Variants in ATE1 observed in about 807,000 individuals in gnomAD.
ATE1 encodes the protein arginyl-tRNA--protein transferase 1.
In ATE1, 36 loss-of-function variants were observed where a neutral mutation model predicts 70.5. That is an observed-to-expected ratio of 0.51 (90% confidence interval 0.39 to 0.67). The LOEUF (loss-of-function observed/expected upper bound fraction) is 0.67, where lower values mean the gene tolerates loss of function less well. ATE1 is among the 30% of genes least tolerant of loss of function. ATE1 has a pLI of 0.00. For missense variants in ATE1, 593 were observed against 629.5 expected (o/e 0.94, Z 0.62); for synonymous variants, 232 against 219.3 (o/e 1.06, Z -0.51).
Position 121,870,045 on chromosome 10 carries a change from T to G in ATE1, c.943-7A>C. 6.2e-7 allele frequency: 1 copy of G among 1,609,512 alleles called. No homozygotes were observed. Among genetic ancestry groups the G allele is most frequent in the Non-Finnish European group, 8.5e-7 (1 of 1,176,830 alleles). On this transcript the variant is annotated splice_polypyrimidine_tract_variant and splice_region_variant and intron_variant, in intron 7 of 11. Coordinates refer to ENST00000224652, the MANE Select transcript of ATE1 (RefSeq NM_001001976.3). The stretch of plus-strand genomic sequence containing the variant: ...TGCAAAGGAATCTTGTGAACTGCAG[T>G]CAAATTTGAACAGAATCCATTTCAT...
At chr10:121,927,700 G>A (rs111968913) in intron 1 of ATE1, 144 bp downstream of exon 1, 8 of 1,327,358 alleles carry the variant, frequency 6.0e-6, no homozygotes, top group African/African-American at 1.6e-5. Flanking sequence ...AGCCGGCGCC[G>A]CGGCCCTCCC....
chr10:121,907,627 A>T (rs1564952579), intron 5 of ATE1, among the ~76,000 whole-genome samples: 2 of 151,394 alleles, frequency 1.3e-5, no homozygotes, highest in African/African-American at 4.9e-5. Flanking sequence ...ACAAAAAATT[A>T]GCATGGTGGT....
chr10:121,809,888 A>G (rs1564856423), intron 10 of ATE1, among the ~76,000 whole-genome samples: 1 of 152,028 alleles, frequency 6.6e-6, no homozygotes, highest in Non-Finnish European at 1.5e-5. Flanking sequence ...CACAAAAAAC[A>G]AAACAAAACA....
intron 11 of ATE1, among the ~76,000 whole-genome samples, chr10:121,747,078 G>A (rs1944402018): frequency 6.6e-6 from 1 of 152,200 alleles, no homozygotes; most frequent in South Asian, 2.1e-4. Flanking sequence ...GAAGACCACA[G>A]TCTTTCACTG....
At chr10:121,762,139 TC>T (rs1206837481) in intron 11 of ATE1, among the ~76,000 whole-genome samples, 1 of 152,204 alleles carries the variant, frequency 6.6e-6, no homozygotes, top group African/African-American at 2.4e-5. Flanking sequence ...GAAAACCAGG[TC>T]ATCCTCCTTG....
intron 11 of ATE1, among the ~76,000 whole-genome samples, chr10:121,756,727 A>G (rs533248719): frequency 6.6e-6 from 1 of 152,186 alleles, no homozygotes; most frequent in Non-Finnish European, 1.5e-5. Context: ...TCACAGCTGG[A>G]GTGGCTGAGA....
intron 10 of ATE1, among the ~76,000 whole-genome samples, chr10:121,834,508 A>G (rs1023018014): frequency 2.0e-5 from 3 of 152,174 alleles, no homozygotes; most frequent in African/African-American, 7.2e-5. Flanking sequence ...GTAGACTGAA[A>G]AGCACATAGG....
At chr10:121,758,454 A>G (rs1268926672) in intron 11 of ATE1, among the ~76,000 whole-genome samples, 2 of 152,224 alleles carry the variant, frequency 1.3e-5, no homozygotes, top group Non-Finnish European at 2.9e-5. Flanking sequence ...TTAAGTAGCA[A>G]TACCTCTGAA....
intron 8 of ATE1, among the ~76,000 whole-genome samples, chr10:121,866,488 CAA>C (rs1164017619): frequency 4.6e-5 from 7 of 152,098 alleles, no homozygotes; most frequent in Non-Finnish European, 1.0e-4. Context: ...TACTTTTCAC[CAA>C]AGAGTGAAAC....
At position 121,743,876 on chromosome 10, in the gene ATE1, A is replaced by G; in HGVS notation, c.1379-18T>C. On this transcript the variant is annotated intron_variant, in intron 11 of 11. Coordinates refer to ENST00000224652, the MANE Select transcript of ATE1 (RefSeq NM_001001976.3). ...CTCATCCACTGCAACGACAAAAAAT[A>G]CTGATTTGTAAAATGTCACATATCA... The G allele has an allele frequency of 6.4e-7, 1 of 1,558,752 alleles. No homozygotes were observed. Among genetic ancestry groups the G allele is most frequent in the Non-Finnish European group, 8.6e-7 (1 of 1,156,428 alleles).
At chr10:121,745,481 C>T (rs1944316377) in intron 11 of ATE1, among the ~76,000 whole-genome samples, 1 of 152,106 alleles carries the variant, frequency 6.6e-6, no homozygotes, top group Admixed American at 6.5e-5. Context: ...CTTTGGGAGG[C>T]CAAGGTGGGC....
intron 10 of ATE1, among the ~76,000 whole-genome samples, chr10:121,809,669 C>T (rs1181197950): frequency 2.0e-5 from 3 of 151,812 alleles, no homozygotes; most frequent in Non-Finnish European, 2.9e-5. Context: ...GGGCAAATAA[C>T]ACAGTATTAT....
rs191708297 is a variant in ATE1, at chr10:121,914,013, G to C, written c.234-120C>G. 2.4e-5 allele frequency: 16 copies of C among 680,306 alleles called. No homozygotes were observed. In the African/African-American group the frequency reaches 2.9e-4, roughly 12 times the overall value. 42.1% of individuals were successfully genotyped at this position (680,306 alleles called of 1,614,324 possible). ...TGCCTGAGATTTCTGGTTAAAGATG[G>C]GGCTTAATGTAGCCTCTAATCCCAG... On this transcript the variant is annotated intron_variant, in intron 3 of 11. Coordinates refer to ENST00000224652, the MANE Select transcript of ATE1 (RefSeq NM_001001976.3).
Position 121,832,386 on chromosome 10 carries a change from G to A in ATE1, c.1257+4332C>T, listed in dbSNP as rs183197785. Among the ~76,000 whole-genome samples the A allele has an allele frequency of 1.2e-4, 19 of 152,260 alleles. 1 individual carries two copies. The South Asian group carries it at 1.4e-3, about 12-fold the overall frequency. ...GATTTGTTACTTAAAGGTTCCCTAC[G>A]TTGTAGCACTATCCCCTAACAGAGC... On this transcript the variant is annotated intron_variant, in intron 10 of 11. Coordinates refer to ENST00000224652, the MANE Select transcript of ATE1 (RefSeq NM_001001976.3).
intron 3 of ATE1, among the ~76,000 whole-genome samples, chr10:121,915,561 A>T (rs1951615717): frequency 6.6e-6 from 1 of 152,182 alleles, no homozygotes; most frequent in South Asian, 2.1e-4. Context: ...ACATAGCCAA[A>T]CTGACTATGA....
intron 5 of ATE1, among the ~76,000 whole-genome samples, chr10:121,905,400 A>G (rs966498118): frequency 2.6e-5 from 4 of 152,230 alleles, no homozygotes; most frequent in African/African-American, 9.6e-5. Flanking sequence ...TTTAAAACTA[A>G]CATGAACTAA....
intron 10 of ATE1, among the ~76,000 whole-genome samples, chr10:121,817,548 A>AAG (rs1054567755): frequency 1.5e-4 from 23 of 151,802 alleles, no homozygotes; most frequent in African/African-American, 5.6e-4. Flanking sequence ...CAAAAAAAAA[A>AAG]AAGAAGAGCT....
At chr10:121,925,501 A>G (rs1439529509) in intron 1 of ATE1, among the ~76,000 whole-genome samples, 3 of 152,092 alleles carry the variant, frequency 2.0e-5, no homozygotes, top group Non-Finnish European at 4.4e-5. Context: ...TACAGGGGCT[A>G]TGATGTTGTC....
At chr10:121,769,715 A>G (rs1945422764) in intron 11 of ATE1, among the ~76,000 whole-genome samples, 1 of 152,230 alleles carries the variant, frequency 6.6e-6, no homozygotes, top group Non-Finnish European at 1.5e-5. Context: ...ATGAGGAGAC[A>G]TTTCACTGAT....
Sources: gnomAD v4.1 joint callset for allele counts (sites outside exome capture counted in the v4.1 genomes callset) on GRCh38, gnomAD v4.1.1 for gene constraint, MANE v1.5 for transcripts, NCBI Gene and HGNC (gene_info 2026-07-23, HGNC 2026-07-21) for gene names.